The following KAZN variants were observed in gnomAD, a reference collection of about 807,000 sequenced individuals.
KAZN encodes the protein kazrin, periplakin interacting protein.
In KAZN, 40 loss-of-function variants were observed where a neutral mutation model predicts 87.4. The ratio of observed to expected loss-of-function variants is 0.46; its 90% CI spans 0.36 to 0.60. KAZN has a LOEUF of 0.60. Ranked by LOEUF, KAZN falls within the 20% of genes least tolerant of loss-of-function variation. KAZN has a pLI of 0.00. For synonymous variants in KAZN, 466 were observed against 458.3 expected (o/e 1.02, Z -0.22); for missense variants, 898 against 1,073.9 (o/e 0.84, Z 2.29).
Position 15,102,333 on chromosome 1 carries a change from G to A in KAZN, c.1779+559G>A, listed in dbSNP as rs912106512. Among the ~76,000 whole-genome samples, 11 of 152,268 alleles carry A rather than the reference G, an allele frequency of 7.2e-5. 1 individual carries two copies. Among genetic ancestry groups the A allele is most frequent in the Middle Eastern group, 6.8e-3 (2 of 294 alleles). On this transcript the variant is annotated intron_variant, in intron 11 of 14. Transcript: ENST00000376030. ...GATAGCAACGACTAAATTGAGACCC[G>A]AAGGAGGAACCCCAGGGATCAGTAG...
In KAZN at chr1:14,083,061, G is replaced by A. The variant is rs1199471734; in HGVS notation, c.92-97374G>A. 2.6e-5 allele frequency among the ~76,000 whole-genome samples: 4 copies of A among 152,054 alleles called. No homozygotes were observed. In the South Asian group the frequency reaches 6.2e-4, roughly 24 times the overall value. On this transcript the variant is annotated intron_variant, in intron 1 of 16. Transcript: ENST00000636203. The stretch of plus-strand genomic sequence containing the variant: ...CAAAAAATTAGCCGGGTGTGGTGGC[G>A]GGCACCTGTAGTCCCAGCGACTCGG...
intron 1 of KAZN, among the ~76,000 whole-genome samples, chr1:14,741,485 G>C (rs1166500423): frequency 6.6e-6 from 1 of 152,226 alleles, no homozygotes; most frequent in Non-Finnish European, 1.5e-5. Flanking sequence ...CCTCCTGGAA[G>C]GGAATGTCTG....
chr1:13,937,725 G>A (rs1383419860), intron 1 of KAZN, among the ~76,000 whole-genome samples: 1 of 152,124 alleles, frequency 6.6e-6, no homozygotes, highest in Non-Finnish European at 1.5e-5. Context: ...TATGGGTCCA[G>A]TTTTATTCTT....
intron 1 of KAZN, among the ~76,000 whole-genome samples, chr1:13,956,694 T>C (rs1641563302): frequency 6.6e-6 from 1 of 152,184 alleles, no homozygotes; most frequent in Non-Finnish European, 1.5e-5. Context: ...GCTTGGAGCA[T>C]GATATGCACC....
chr1:14,037,969 T>C (rs2101375842), intron 1 of KAZN, among the ~76,000 whole-genome samples: 1 of 152,290 alleles, frequency 6.6e-6, no homozygotes, highest in South Asian at 2.1e-4. Flanking sequence ...AGAGGCTGGC[T>C]ACCTGCAAAG....
chr1:14,261,280 G>C, intron 2 of KAZN, among the ~76,000 whole-genome samples: 1 of 152,206 alleles, frequency 6.6e-6, no homozygotes, highest in East Asian at 1.9e-4. Flanking sequence ...ATTTCATGAA[G>C]ATGCATTAAG....
chr1:14,791,833 G>A (rs1235077305), intron 1 of KAZN, among the ~76,000 whole-genome samples: 1 of 152,236 alleles, frequency 6.6e-6, no homozygotes, highest in African/African-American at 2.4e-5. Context: ...ACACAGCTTT[G>A]CTTTCAGCAG....
At position 14,752,304 on chromosome 1, in the gene KAZN, T is replaced by C. The variant is rs544310617; in HGVS notation, c.226+153081T>C. On this transcript the variant is annotated intron_variant, in intron 1 of 14. Transcript: ENST00000376030. ...AGACGAGTCTGTGAGATGATGCTGA[T>C]ATGCCTTCCCTGATCCATCTAATGC... Among the ~76,000 whole-genome samples the C allele has an allele frequency of 3.9e-5, 6 of 152,304 alleles. No homozygotes were observed. The South Asian group carries it at 1.2e-3, about 32-fold the overall frequency.
intron 2 of KAZN, among the ~76,000 whole-genome samples, chr1:14,348,151 A>G (rs1269650145): frequency 4.0e-5 from 6 of 151,262 alleles, no homozygotes; most frequent in African/African-American, 1.5e-4. Flanking sequence ...CCTGAATTCA[A>G]GTGATGCTCC....
At chr1:14,336,825 T>G (rs938259039) in intron 2 of KAZN, among the ~76,000 whole-genome samples, 4 of 152,210 alleles carry the variant, frequency 2.6e-5, no homozygotes, top group African/African-American at 9.7e-5. Flanking sequence ...TTATATTTTT[T>G]TATATAATCT....
intron 2 of KAZN, among the ~76,000 whole-genome samples, chr1:14,224,894 G>A (rs1248985610): frequency 6.6e-6 from 1 of 152,040 alleles, no homozygotes; most frequent in Non-Finnish European, 1.5e-5. Flanking sequence ...AAAGCAAAGT[G>A]AATATATTAC....
chr1:14,228,312 C>T (rs1647483196), intron 2 of KAZN, among the ~76,000 whole-genome samples: 1 of 152,100 alleles, frequency 6.6e-6, no homozygotes, highest in African/African-American at 2.4e-5. Context: ...ATATTATTGT[C>T]CTTGCTTTTC....
At chr1:14,848,934 C>T (rs59153767) in intron 1 of KAZN, among the ~76,000 whole-genome samples, 8,577 of 152,166 alleles carry the variant, frequency 0.056, 591 homozygotes, top group African/African-American at 0.17. Flanking sequence ...GTGCATGGAG[C>T]GGGGGCTGGC....
chr1:14,066,409 A>G (rs983018962), intron 1 of KAZN, among the ~76,000 whole-genome samples: 5 of 152,218 alleles, frequency 3.3e-5, no homozygotes, highest in African/African-American at 1.2e-4. Context: ...TTGGGAAAGG[A>G]GAATTCAATC....
chr1:14,590,221 A>G (rs1676110932), intron 2 of KAZN, among the ~76,000 whole-genome samples: 1 of 152,182 alleles, frequency 6.6e-6, no homozygotes, highest in African/African-American at 2.4e-5. Context: ...AAGTGTTTCA[A>G]ATCACTGGGG....
chr1:14,235,406 G>A (rs944610345), intron 2 of KAZN, among the ~76,000 whole-genome samples: 1 of 152,180 alleles, frequency 6.6e-6, no homozygotes, highest in African/African-American at 2.4e-5. Flanking sequence ...AATGGTCTAG[G>A]ATAGATAAAT....
intron 1 of KAZN, among the ~76,000 whole-genome samples, chr1:13,961,604 G>A (rs757606647): frequency 3.3e-5 from 5 of 152,202 alleles, no homozygotes; most frequent in Non-Finnish European, 7.3e-5. Flanking sequence ...AGTGGTACAA[G>A]TAGATGTTTT....
intron 2 of KAZN, among the ~76,000 whole-genome samples, chr1:15,007,127 CA>C (rs1358086869): frequency 1.3e-5 from 2 of 151,130 alleles, no homozygotes; most frequent in East Asian, 3.9e-4. Context: ...CTCATAATAC[CA>C]ATCACAGCTG....
chr1:13,974,867 A>G (rs1638252723), intron 1 of KAZN, among the ~76,000 whole-genome samples: 1 of 152,178 alleles, frequency 6.6e-6, no homozygotes, highest in Admixed American at 6.5e-5. Flanking sequence ...TAAACCTTAG[A>G]TACCCTGGAG....
Sources: allele counts gnomAD v4.1 joint callset (sites outside exome capture counted in the v4.1 genomes callset), GRCh38; gene constraint gnomAD v4.1.1; transcripts MANE v1.5; gene names NCBI Gene and HGNC (gene_info 2026-07-23, HGNC 2026-07-21).